DDHD1: variants seen among roughly 807,000 people sequenced by gnomAD.
DDHD1 encodes DDHD domain containing 1.
A neutral mutation model predicts 96.4 loss-of-function variants in DDHD1; 49 were observed. That is an observed-to-expected ratio of 0.51 (90% CI 0.40 to 0.64). The LOEUF (loss-of-function observed/expected upper bound fraction) is 0.64, where lower values mean the gene tolerates loss of function less well. DDHD1 is among the 30% of genes least tolerant of loss of function. DDHD1 has a pLI of 0.00. For missense variants in DDHD1, 1,106 were observed against 1,161.2 expected, an observed-to-expected ratio of 0.95 and a Z score of 0.69; for synonymous variants, 442 against 446.5, an observed-to-expected ratio of 0.99 and a Z score of 0.13.
intron 1 of DDHD1, among the ~76,000 whole-genome samples, chr14:53,126,859 C>T (rs1471631271): frequency 2.0e-5 from 3 of 152,002 alleles, no homozygotes; most frequent in East Asian, 3.9e-4. Context: ...AGAAGCACAG[C>T]GTTTAGAAGA....
At chr14:53,115,259 C>A (rs1888452926) in intron 1 of DDHD1, among the ~76,000 whole-genome samples, 1 of 152,122 alleles carries the variant, frequency 6.6e-6, no homozygotes, top group South Asian at 2.1e-4. Flanking sequence ...AACTGGTATA[C>A]CTGAAAGTGG....
intron 2 of DDHD1, among the ~76,000 whole-genome samples, chr14:53,097,964 C>T (rs1887010840): frequency 6.6e-6 from 1 of 151,862 alleles, no homozygotes; most frequent in East Asian, 1.9e-4. Context: ...TTCTTATTTT[C>T]ACTTGAAAGT....
chr14:53,065,749 T>A (rs1883960756), intron 6 of DDHD1, among the ~76,000 whole-genome samples: 2 of 152,230 alleles, frequency 1.3e-5, no homozygotes, highest in Non-Finnish European at 2.9e-5. Flanking sequence ...GTAGCATCCC[T>A]GAGAAGTGGT....
In DDHD1 at chr14:53,056,566, G is replaced by C. The variant is rs532739221; in HGVS notation, c.1993-654C>G. Among the ~76,000 whole-genome samples the C allele has an allele frequency of 5.9e-5, 9 of 152,168 alleles. No homozygotes were observed. In the South Asian group the frequency reaches 1.9e-3, roughly 32 times the overall value. ...CCCACCTCAGCCTCCCAAAGGGTTG[G>C]GATAATAGAGAGCCACTGCGCCCAG... On this transcript the variant is annotated intron_variant, in intron 9 of 12. Transcript: ENST00000673822.
At chr14:53,102,899 TAATTCATTA>T (rs1316128949) in intron 2 of DDHD1, 10 of 845,234 alleles carry the variant, frequency 1.2e-5, no homozygotes, top group Non-Finnish European at 1.8e-5. Context: ...ATTAATATTT[TAATTCATTA>T]GATTCAGTAG....
chr14:53,055,375 T>C (rs1882952157), intron 10 of DDHD1, among the ~76,000 whole-genome samples: 1 of 152,198 alleles, frequency 6.6e-6, no homozygotes, highest in African/African-American at 2.4e-5. Flanking sequence ...ACTCAAGATC[T>C]CACAGCAAGT....
intron 1 of DDHD1, among the ~76,000 whole-genome samples, chr14:53,131,505 C>T (rs184357278): frequency 2.8e-3 from 422 of 152,234 alleles, no homozygotes; most frequent in African/African-American, 9.6e-3. Flanking sequence ...TCCTCAATAC[C>T]TTCCTCCACA....
At chr14:53,077,268 AT>A in intron 4 of DDHD1, among the ~76,000 whole-genome samples, 1 of 152,338 alleles carries the variant, frequency 6.6e-6, no homozygotes, top group Admixed American at 6.5e-5. Context: ...ACTGATGATC[AT>A]TGTTTAAATC....
rs1881398878 is a variant in DDHD1 at position 53,038,206 on chromosome 14, C to G, written c.*8562G>C. On this transcript the variant is annotated 3_prime_UTR_variant, in exon 13 of 13. Coordinates refer to ENST00000673822, the MANE Select transcript of DDHD1 (RefSeq NM_001160148.2). Reference sequence around the variant, plus strand: ...TCAGGCAAGAGAAATAAATAAAAGGCATCCAACTGGGAAAAGAAATCAAAC... The same window carrying G: ...TCAGGCAAGAGAAATAAATAAAAGGGATCCAACTGGGAAAAGAAATCAAAC... The G allele has an allele frequency of 1.3e-5, 2 of 152,096 alleles. No individual in the cohort carries two copies. The highest frequency in any genetic ancestry group is 4.8e-5 in the African/African-American group (2 of 41,424). 9.4% of individuals were successfully genotyped at this position (152,096 alleles called of 1,614,324 possible). A position where few individuals can be genotyped will look rare whatever the true frequency, so the allele number is the denominator to read the frequency against.
intron 1 of DDHD1, among the ~76,000 whole-genome samples, chr14:53,123,617 T>C (rs1889179362): frequency 2.0e-5 from 3 of 152,176 alleles, no homozygotes; most frequent in Admixed American, 6.5e-5. Context: ...GGTTAAATCT[T>C]GAAAACCTGT....
intron 1 of DDHD1, among the ~76,000 whole-genome samples, chr14:53,127,312 A>T (rs1475587170): frequency 6.6e-6 from 1 of 152,234 alleles, no homozygotes; most frequent in African/African-American, 2.4e-5. Flanking sequence ...CAACAGTAGA[A>T]AAAGAACTGG....
chr14:53,050,286 C>G (rs1882421212), intron 12 of DDHD1, among the ~76,000 whole-genome samples: 1 of 152,096 alleles, frequency 6.6e-6, no homozygotes, highest in Non-Finnish European at 1.5e-5. Context: ...AGTTAGTTTT[C>G]TTGAGAAAAA....
chr14:53,063,508 A>C (rs2139872874), intron 6 of DDHD1, among the ~76,000 whole-genome samples: 1 of 151,738 alleles, frequency 6.6e-6, no homozygotes, highest in South Asian at 2.1e-4. Flanking sequence ...CCAAAGTTCT[A>C]TGCAAATACC....
intron 1 of DDHD1, among the ~76,000 whole-genome samples, chr14:53,104,094 G>A (rs1887513106): frequency 6.6e-6 from 1 of 152,118 alleles, no homozygotes; most frequent in African/African-American, 2.4e-5. Flanking sequence ...GACCTTCCAG[G>A]CTAATTTTTA....
chr14:53,140,696 A>T (rs960067178), intron 1 of DDHD1, among the ~76,000 whole-genome samples: 3 of 152,206 alleles, frequency 2.0e-5, no homozygotes, highest in Non-Finnish European at 2.9e-5. Flanking sequence ...CAAAGGGGAC[A>T]AATAGAAAAT....
At chr14:53,152,176 C>T (rs1370267490) in intron 1 of DDHD1, 85 bp downstream of exon 1, 3 of 1,361,900 alleles carry the variant, frequency 2.2e-6, no homozygotes, top group Non-Finnish European at 2.9e-6. Context: ...TCCCTCTTCG[C>T]GGCGACCAGT....
chr14:53,146,367 G>A (rs1490594150), intron 1 of DDHD1, among the ~76,000 whole-genome samples: 1 of 148,128 alleles, frequency 6.8e-6, no homozygotes, highest in Non-Finnish European at 1.5e-5. Flanking sequence ...AGCCAGGCAT[G>A]GTGGCACATG....
chr14:53,146,322 G>A lies in DDHD1; in HGVS notation c.838+5939C>T, dbSNP rs569076693. On this transcript the variant is annotated intron_variant, in intron 1 of 12. Coordinates refer to ENST00000673822, the MANE Select transcript of DDHD1 (RefSeq NM_001160148.2). The stretch of plus-strand genomic sequence containing the variant: ...AGTTCAAGATCAGCCTGGCCAAAAC[G>A]GTGAAACTCCATATCTACTAAGAAT... Among the ~76,000 whole-genome samples the A allele has an allele frequency of 2.1e-3, 311 of 151,470 alleles. 1 individual carries two copies. Among genetic ancestry groups the A allele is most frequent in the Non-Finnish European group, 3.3e-3 (227 of 67,922 alleles).
intron 1 of DDHD1, among the ~76,000 whole-genome samples, chr14:53,150,931 T>G (rs1336246510): frequency 6.6e-6 from 1 of 152,200 alleles, no homozygotes; most frequent in Non-Finnish European, 1.5e-5. Flanking sequence ...AATCTGACCT[T>G]ATAAAAATGG....
Sources: allele counts gnomAD v4.1 joint callset (sites outside exome capture counted in the v4.1 genomes callset), GRCh38; gene constraint gnomAD v4.1.1; transcripts MANE v1.5; gene names NCBI Gene and HGNC (gene_info 2026-07-23, HGNC 2026-07-21).